CFAP46: variants seen among roughly 807,000 people sequenced by gnomAD.
CFAP46 encodes cilia- and flagella-associated protein 46.
CFAP46 carries 245 observed loss-of-function variants against 325.7 expected under a neutral mutation model. That is an observed-to-expected ratio of 0.75 (90% confidence interval 0.68 to 0.84). The LOEUF is 0.84. CFAP46 is among the 40% of genes least tolerant of loss of function. The pLI is 0.00. For synonymous variants in CFAP46, 1,523 were observed against 1,495.9 expected (o/e 1.02, Z -0.42); for missense variants, 3,346 against 3,543.0 (o/e 0.94, Z 1.41).
intron 24 of CFAP46, among the ~76,000 whole-genome samples, chr10:132,897,938 G>T (rs4298828): frequency 0.094 from 14,295 of 152,186 alleles, 1,859 homozygotes; most frequent in African/African-American, 0.29. Context: ...AGGATCCAGC[G>T]CAGCGGCTTC....
chr10:132,847,113 T>C lies in CFAP46; in HGVS notation c.6088-2A>G. The C allele has an allele frequency of 1.9e-6, 3 of 1,609,652 alleles. No homozygotes were observed. In the South Asian group the frequency reaches 3.3e-5, roughly 18 times the overall value. ...CTGCTGGGCCAGAACCATCCTCCTCTGTGGGGCACAAGGCTCAGGCTCAGG... is the reference window on the plus strand; with the variant it reads ...CTGCTGGGCCAGAACCATCCTCCTCCGTGGGGCACAAGGCTCAGGCTCAGG... On this transcript the variant is annotated splice_acceptor_variant, in intron 42 of 57. Transcript: ENST00000368586. LOFTEE classifies it high-confidence loss of function. The surrounding 1 kb of genome is among the most constrained non-coding windows in gnomAD (Gnocchi z 5.2).
rs113560490 is a variant in CFAP46, at chr10:132,869,967, T to C, written c.4512-595A>G. On this transcript the variant is annotated intron_variant, in intron 32 of 57. Transcript: ENST00000368586. This position sits in a 1 kb window ranked among gnomAD's most constrained non-coding sequence, Gnocchi z 6.2. ...GCTCAGATGTTGCATATTTTACAAA[T>C]TGAAAGTCTGGGGCAGCCCTGAGCG... Among the ~76,000 whole-genome samples the C allele has an allele frequency of 2.6e-3, 403 of 152,310 alleles. 3 individuals are homozygous for C. Among genetic ancestry groups the C allele is most frequent in the African/African-American group, 9.0e-3 (374 of 41,568 alleles).
intron 50 of CFAP46, among the ~76,000 whole-genome samples, chr10:132,815,683 G>A (rs913809028): frequency 6.6e-6 from 1 of 152,244 alleles, no homozygotes; most frequent in African/African-American, 2.4e-5. Flanking sequence ...TGTTTTGGGA[G>A]GCCGAGGAGG....
At chr10:132,900,290 G>T (rs1033835276) in intron 22 of CFAP46, among the ~76,000 whole-genome samples, 3 of 152,180 alleles carry the variant, frequency 2.0e-5, no homozygotes, top group African/African-American at 7.2e-5. Flanking sequence ...GCTTGGCCAG[G>T]TGCACACTCC....
Position 132,837,853 on chromosome 10 carries a change from A to C in CFAP46, c.6439-939T>G, listed in dbSNP as rs568234967. On this transcript the variant is annotated intron_variant, in intron 44 of 57. Transcript: ENST00000368586. ...CACAGACATGCACGGACACACACGC[A>C]CATGTACACAGATGCACACACACAG... 1.2e-4 allele frequency among the ~76,000 whole-genome samples: 18 copies of C among 151,556 alleles called. No individual in the cohort carries two copies. In the South Asian group the frequency reaches 3.8e-3, roughly 32 times the overall value.
intron 46 of CFAP46, among the ~76,000 whole-genome samples, chr10:132,835,847 G>A (rs1262888506): frequency 2.1e-4 from 16 of 74,820 alleles, no homozygotes; most frequent in East Asian, 3.6e-4. Flanking sequence ...TCCCGCCCCC[G>A]CTCCCCTCCC....
In CFAP46 at chr10:132,912,821, CT is replaced by C. The variant is rs748519080; in HGVS notation, c.2334-2del. On this transcript the variant is annotated splice_acceptor_variant, in intron 18 of 57. Transcript: ENST00000368586. LOFTEE classifies it high-confidence loss of function. ...GAGCGTCACCAGCATCACGGGGTCC[CT>C]GGGAGACATGCTTGTCAGAGGGAAC... 12 of 1,548,206 alleles carry C rather than the reference CT, an allele frequency of 7.8e-6. No homozygotes were observed. Among genetic ancestry groups the C allele is most frequent in the African/African-American group, 1.4e-5 (1 of 73,020 alleles).
intron 50 of CFAP46, among the ~76,000 whole-genome samples, chr10:132,818,682 G>A (rs979739720): frequency 1.3e-5 from 2 of 151,970 alleles, no homozygotes; most frequent in Non-Finnish European, 2.9e-5. Flanking sequence ...GCCAAACCCC[G>A]TCTCTACTAA....
chr10:132,834,609 T>C, intron 48 of CFAP46, 45 bp downstream of exon 48: 1 of 1,605,832 alleles, frequency 6.2e-7, no homozygotes, highest in Non-Finnish European at 8.5e-7. Context: ...CACGTGTCCA[T>C]GCGTGAGCGT....
Position 132,892,380 on chromosome 10 carries a change from G to A in CFAP46, c.3257C>T (p.Thr1086Met), listed in dbSNP as rs1284980964. The change falls in exon 25 of 58, where the codon ACG becomes ATG. Residue 1086 changes from threonine (T) to methionine (M), a missense_variant. Physicochemically the swap from Thr to Met is moderately conservative, Grantham distance 81. Coordinates refer to ENST00000368586, the MANE Select transcript of CFAP46 (RefSeq NM_001200049.3). ...CGTCCCGCCACCCTGGAAGTCGGCC[G>A]TGGGCCACTGGTGCAGAAGCAGCGT... is the stretch of plus-strand genomic sequence containing the variant. ...GKTLLLHQWP[T>M]ADFQGGGTTE... is the part of the protein sequence containing the mutation. 17 of 1,550,776 alleles carry A rather than the reference G, an allele frequency of 1.1e-5. No homozygotes were observed. Among genetic ancestry groups the A allele is most frequent in the East Asian group, 9.8e-5 (4 of 40,942 alleles).
At chr10:132,880,450 C>T (rs1849022361) in intron 28 of CFAP46, among the ~76,000 whole-genome samples, 1 of 152,234 alleles carries the variant, frequency 6.6e-6, no homozygotes, top group Non-Finnish European at 1.5e-5. Context: ...TCAGAAGCAA[C>T]TTTGGGGATG....
At position 132,885,960 on chromosome 10, in the gene CFAP46, C is replaced by T. The variant is rs947766062; in HGVS notation, c.3305-1G>A. 4 of 1,549,358 alleles carry T rather than the reference C, an allele frequency of 2.6e-6. No individual in the cohort carries two copies. The highest frequency in any genetic ancestry group is 3.5e-6 in the Non-Finnish European group (4 of 1,146,160). ...CGGAGCGCCAGGTCGTCCTCAGCCC[C>T]TGGGAGGGAGAAGGAGGGGTGTCCT... is the stretch of plus-strand genomic sequence containing the variant. On this transcript the variant is annotated splice_acceptor_variant, in intron 25 of 57. Transcript: ENST00000368586. LOFTEE classifies it high-confidence loss of function.
chr10:132,886,036 G>C lies in CFAP46; in HGVS notation c.3305-77C>G, dbSNP rs921494245. Reference sequence around the variant, plus strand: ...GGCGCCCTCGGACCTCCCAGACTAAGCTGCCCATCACAGTGCCCCTGAGGT... The same window carrying C: ...GGCGCCCTCGGACCTCCCAGACTAACCTGCCCATCACAGTGCCCCTGAGGT... On this transcript the variant is annotated intron_variant, in intron 25 of 57. Coordinates refer to ENST00000368586, the MANE Select transcript of CFAP46 (RefSeq NM_001200049.3). This position sits in a 1 kb window ranked among gnomAD's most constrained non-coding sequence, Gnocchi z 5.8. The C allele has an allele frequency of 2.0e-6, 3 of 1,514,744 alleles. No homozygotes were observed. The highest frequency in any genetic ancestry group is 2.7e-6 in the Non-Finnish European group (3 of 1,123,848). The allele number at this position is 1,514,744 out of a possible 1,614,324, so 93.8% of individuals were successfully genotyped here. A position where few individuals can be genotyped will look rare whatever the true frequency, so the allele number is the denominator to read the frequency against.
rs1410714202 is a variant in CFAP46 at position 132,808,777 on chromosome 10, A to C, written c.7792T>G (p.Cys2598Gly). Residue 2598 changes from cysteine (C) to glycine (G), a missense_variant, in exon 58 of 58, where the codon TGC becomes GGC. Transcript: ENST00000368586. The surrounding 1 kb of genome is among the most constrained non-coding windows in gnomAD (Gnocchi z 6.8). ...GGGGCCCCAGCAGCTGATGGGAGGCAGGTCCAGGCCTGCACTACCCGATGG... is the reference window on the plus strand; with the variant it reads ...GGGGCCCCAGCAGCTGATGGGAGGCCGGTCCAGGCCTGCACTACCCGATGG... The part of the protein sequence containing the change: ...PSHRVVQAWT[C>G]LPSAAGAPAL... 1 of 1,595,518 alleles carries C rather than the reference A, an allele frequency of 6.3e-7. No individual in the cohort carries two copies.
At chr10:132,916,469 C>T (rs1370495140) in intron 17 of CFAP46, 80 bp downstream of exon 17, 1 of 1,426,104 alleles carries the variant, frequency 7.0e-7, no homozygotes, top group Non-Finnish European at 9.3e-7. Flanking sequence ...GGGTGTCCCT[C>T]CCCACGCCAG....
chr10:132,905,509 T>G (rs572754932), intron 22 of CFAP46, among the ~76,000 whole-genome samples: 1 of 149,854 alleles, frequency 6.7e-6, no homozygotes, highest in Non-Finnish European at 1.5e-5. Context: ...CTCAAGAAAC[T>G]TTCTAAAAAT....
chr10:132,921,851 G>A (rs1849727150), intron 13 of CFAP46, among the ~76,000 whole-genome samples: 1 of 152,246 alleles, frequency 6.6e-6, no homozygotes, highest in African/African-American at 2.4e-5. Flanking sequence ...AGTTCCCGTA[G>A]TCTAAGCAGC....
intron 50 of CFAP46, among the ~76,000 whole-genome samples, chr10:132,823,793 T>C (rs1489267918): frequency 6.8e-6 from 1 of 146,906 alleles, no homozygotes; most frequent in Non-Finnish European, 1.5e-5. Context: ...CACTGATGTG[T>C]GCTGTGTGTG....
intron 4 of CFAP46, among the ~76,000 whole-genome samples, chr10:132,940,536 G>A (rs1321416987): frequency 6.6e-6 from 1 of 152,136 alleles, no homozygotes; most frequent in Non-Finnish European, 1.5e-5. Context: ...GGAAGGAGAA[G>A]GCGCCCTGGG....
Sources: gnomAD v4.1 joint callset for allele counts (sites outside exome capture counted in the v4.1 genomes callset) on GRCh38, gnomAD v4.1.1 for gene constraint, Gnocchi (gnomAD v3.1) non-coding constraint, MANE v1.5 for transcripts, NCBI Gene and HGNC (gene_info 2026-07-23, HGNC 2026-07-21) for gene names.